GFPT1: variants seen among roughly 807,000 people sequenced by gnomAD.
The protein encoded by GFPT1 is glutamine--fructose-6-phosphate transaminase 1, also known as glutamine--fructose-6-phosphate aminotransferase [isomerizing] 1.
A neutral mutation model predicts 92.0 loss-of-function variants in GFPT1; 40 were observed. That is an observed-to-expected ratio of 0.43 (90% CI 0.34 to 0.57). The LOEUF (loss-of-function observed/expected upper bound fraction) is 0.57. Ranked by LOEUF, GFPT1 falls within the 20% of genes least tolerant of loss-of-function variation. The pLI is 0.02. For synonymous variants in GFPT1, 269 were observed against 280.6 expected, an observed-to-expected ratio of 0.96 and a Z score of 0.41; for missense variants, 448 against 869.1, an observed-to-expected ratio of 0.52 and a Z score of 6.09.
At position 69,387,077 on chromosome 2, in the gene GFPT1, C is replaced by G. The variant is rs1399148300; in HGVS notation, c.-6G>C. On this transcript the variant is annotated 5_prime_UTR_variant, in exon 1 of 20. Coordinates refer to ENST00000357308, the MANE Select transcript of GFPT1 (RefSeq NM_001244710.2). ...CCGGCCCCCTTACCACACATGATGC[C>G]GGAGACACGGCCCGCGAGGCCAGGG... 2 of 1,537,306 alleles carry G rather than the reference C, an allele frequency of 1.3e-6. No individual in the cohort carries two copies. The highest frequency in any genetic ancestry group is 8.7e-7 in the Non-Finnish European group (1 of 1,146,646).
At chr2:69,379,609 C>A (rs188228668) in intron 1 of GFPT1, among the ~76,000 whole-genome samples, 1 of 152,138 alleles carries the variant, frequency 6.6e-6, no homozygotes, top group Admixed American at 6.6e-5. Context: ...ACAATCCCAG[C>A]TCATTAAAAC....
chr2:69,380,753 T>C (rs539824574), intron 1 of GFPT1, among the ~76,000 whole-genome samples: 3 of 152,334 alleles, frequency 2.0e-5, no homozygotes, highest in African/African-American at 7.2e-5. Context: ...TGAGCATCTC[T>C]ACACTGAACT....
intron 4 of GFPT1, among the ~76,000 whole-genome samples, chr2:69,363,172 C>T (rs1364457118): frequency 2.6e-5 from 4 of 152,182 alleles, no homozygotes; most frequent in Non-Finnish European, 4.4e-5. Context: ...GGTGTGACCA[C>T]GGCTCACTGC....
At chr2:69,338,870 G>A (rs1670867867) in intron 13 of GFPT1, among the ~76,000 whole-genome samples, 1 of 143,340 alleles carries the variant, frequency 7.0e-6, no homozygotes, top group Admixed American at 7.3e-5. Flanking sequence ...TGCCATCTCG[G>A]CTCACCGTAA....
At chr2:69,381,317 A>T (rs1672003560) in intron 1 of GFPT1, among the ~76,000 whole-genome samples, 1 of 151,970 alleles carries the variant, frequency 6.6e-6, no homozygotes, top group South Asian at 2.1e-4. Flanking sequence ...TTTTGTTTTT[A>T]AAATATAGAG....
At chr2:69,365,778 C>A (rs1173278058) in intron 3 of GFPT1, among the ~76,000 whole-genome samples, 5 of 152,000 alleles carry the variant, frequency 3.3e-5, no homozygotes, top group Non-Finnish European at 7.4e-5. Flanking sequence ...TTCAACAGGC[C>A]AATGCAAGAA....
intron 13 of GFPT1, among the ~76,000 whole-genome samples, chr2:69,340,738 G>C (rs992396748): frequency 6.6e-6 from 1 of 151,912 alleles, no homozygotes; most frequent in Non-Finnish European, 1.5e-5. Flanking sequence ...AAACCACAGG[G>C]GGATTTCTAA....
chr2:69,379,988 G>A (rs1224756259), intron 1 of GFPT1, among the ~76,000 whole-genome samples: 1 of 151,920 alleles, frequency 6.6e-6, no homozygotes. Flanking sequence ...CAAAGTGCTG[G>A]GATTACAGGC....
intron 1 of GFPT1, among the ~76,000 whole-genome samples, chr2:69,381,893 T>C (rs1672020799): frequency 6.7e-6 from 1 of 149,416 alleles, no homozygotes; most frequent in Admixed American, 6.7e-5. Context: ...AGACAGAGTG[T>C]CACTCAGTCA....
intron 3 of GFPT1, among the ~76,000 whole-genome samples, chr2:69,366,831 A>G: frequency 6.6e-6 from 1 of 152,152 alleles, no homozygotes; most frequent in Non-Finnish European, 1.5e-5. Context: ...CCTCATTTGC[A>G]TCTTCTATCT....
At chr2:69,346,616 TTA>T (rs1249925878) in intron 11 of GFPT1, among the ~76,000 whole-genome samples, 1 of 152,158 alleles carries the variant, frequency 6.6e-6, no homozygotes, top group Admixed American at 6.5e-5. Flanking sequence ...ACTGGGGAAA[TTA>T]TTAATCTATA....
chr2:69,373,025 G>A (rs1337514066), intron 2 of GFPT1, among the ~76,000 whole-genome samples: 2 of 152,208 alleles, frequency 1.3e-5, no homozygotes, highest in Non-Finnish European at 2.9e-5. Context: ...ATGCTGGGCA[G>A]AGGGTGCCTA....
chr2:69,334,711 G>A (rs1665832559), intron 15 of GFPT1: 1 of 152,056 alleles, frequency 6.6e-6, no homozygotes, highest in East Asian at 1.9e-4. Context: ...CAAACTTCAG[G>A]CTAAATGAAA....
At position 69,326,526 on chromosome 2, in the gene GFPT1, A is replaced by C. The variant is rs67218758; in HGVS notation, c.2056-293T>G. On this transcript the variant is annotated intron_variant, in intron 19 of 19. Coordinates refer to ENST00000357308, the MANE Select transcript of GFPT1 (RefSeq NM_001244710.2). ...CCCTCATAGGGGACACTAAAAACAA[A>C]AGCACTATGTTTTGGTTGCCACAAT... is the stretch of plus-strand genomic sequence containing the variant. Among the ~76,000 whole-genome samples, 21,152 of 152,210 alleles carry C rather than the reference A, an allele frequency of 0.14. 1,579 individuals are homozygous for C. The highest frequency in any genetic ancestry group is 0.15 in the Non-Finnish European group (10,525 of 68,008).
In GFPT1 at chr2:69,387,054, G is replaced by A. The variant is rs377517698; in HGVS notation, c.7+11C>T. ...ACCCGGCAACACGCCCCCCGCTCCC[G>A]GCCCCCTTACCACACATGATGCCGG... On this transcript the variant is annotated intron_variant, in intron 1 of 19. Coordinates refer to ENST00000357308, the MANE Select transcript of GFPT1 (RefSeq NM_001244710.2). 9 of 1,532,584 alleles carry A rather than the reference G, an allele frequency of 5.9e-6. No individual in the cohort carries two copies. In the African/African-American group the frequency reaches 1.1e-4, roughly 19 times the overall value. The allele number at this position is 1,532,584 out of a possible 1,614,324, so 94.9% of individuals were successfully genotyped here.
intron 3 of GFPT1, among the ~76,000 whole-genome samples, chr2:69,367,618 C>T (rs1227711289): frequency 6.6e-6 from 1 of 152,186 alleles, no homozygotes; most frequent in East Asian, 1.9e-4. Context: ...ACCTCGGCCT[C>T]CCAAAGTGCC....
At chr2:69,374,204 A>G (rs1671817454) in intron 1 of GFPT1, 91 bp from the exon 2 acceptor site, 3 of 686,548 alleles carry the variant, frequency 4.4e-6, no homozygotes, top group Non-Finnish European at 7.9e-6. Context: ...ACGTGAAGTT[A>G]GATTCTGTCT....
rs146949335 is a variant in GFPT1, at chr2:69,324,728, A to C, written c.*1461T>G. On this transcript the variant is annotated 3_prime_UTR_variant, in exon 20 of 20. Transcript: ENST00000357308. ...CAGCTTACTTAAATAATTGTGCTAAATAGCTTATCTTCACAATTTAAAAGT... is the reference window on the plus strand; with the variant it reads ...CAGCTTACTTAAATAATTGTGCTAACTAGCTTATCTTCACAATTTAAAAGT... 46 of 152,330 alleles carry C rather than the reference A, an allele frequency of 3.0e-4. No homozygotes were observed. In the East Asian group the frequency reaches 8.7e-3, roughly 29 times the overall value. The allele number at this position is 152,330 out of a possible 1,614,324, so 9.4% of individuals were successfully genotyped here. A position where few individuals can be genotyped will look rare whatever the true frequency, so the allele number is the denominator to read the frequency against.
rs145511387 is a variant in GFPT1 at position 69,345,947 on chromosome 2, G to T, written c.1062C>A (p.Val354=). 1.2e-6 allele frequency: 2 copies of T among 1,606,294 alleles called. No homozygotes were observed. Among genetic ancestry groups the T allele is most frequent in the South Asian group, 1.1e-5 (1 of 90,874 alleles). Residue 354 remains valine (V), a synonymous_variant, in exon 12 of 20, where the codon GTC becomes GTA. Transcript: ENST00000357308. ...QKEIFEQPES[V]VNTMRGRVNF... ...TGACTCTTCCTCTCATTGTGTTCAC[G>T]ACAGACTCTGGCTGCTCAAATATTT... is the stretch of plus-strand genomic sequence containing the variant.
Sources: gnomAD v4.1 joint callset for allele counts (sites outside exome capture counted in the v4.1 genomes callset) on GRCh38, gnomAD v4.1.1 for gene constraint, MANE v1.5 for transcripts, NCBI Gene and HGNC (gene_info 2026-07-23, HGNC 2026-07-21) for gene names.